The following DGKB variants were observed in gnomAD, a reference collection of about 807,000 sequenced individuals.
The protein encoded by DGKB is diacylglycerol kinase beta.
A neutral mutation model predicts 114.3 loss-of-function variants in DGKB; 67 were observed. That is an observed-to-expected ratio of 0.59 (90% CI 0.48 to 0.72). The LOEUF is 0.72. Among genes scored for constraint, DGKB ranks in the 30% least tolerant of loss-of-function variants. The pLI is 0.00. For synonymous variants in DGKB, 398 were observed against 323.1 expected, an observed-to-expected ratio of 1.23 and a Z score of -2.49; for missense variants, 907 against 975.2, an observed-to-expected ratio of 0.93 and a Z score of 0.93.
chr7:14,202,407 T>C (rs1786041200), intron 23 of DGKB, among the ~76,000 whole-genome samples: 1 of 152,028 alleles, frequency 6.6e-6, no homozygotes, highest in Non-Finnish European at 1.5e-5. Context: ...CATTAATTAC[T>C]AATAACAAGG....
At chr7:14,899,789 G>C (rs1441387494) in intron 1 of DGKB, among the ~76,000 whole-genome samples, 1 of 152,046 alleles carries the variant, frequency 6.6e-6, no homozygotes, top group African/African-American at 2.4e-5. Flanking sequence ...GATCTCTCAA[G>C]CACTATCCAC....
chr7:14,279,275 C>T (rs113085227), intron 23 of DGKB, among the ~76,000 whole-genome samples: 7,680 of 152,214 alleles, frequency 0.05, 625 homozygotes, highest in African/African-American at 0.17. Context: ...AGTCTGAGAT[C>T]AAACTGCAAG....
intron 1 of DGKB, among the ~76,000 whole-genome samples, chr7:14,844,587 C>G (rs541667792): frequency 6.6e-6 from 1 of 152,278 alleles, no homozygotes; most frequent in East Asian, 1.9e-4. Flanking sequence ...GTTCCTTTCT[C>G]TCTCACTTGC....
intron 22 of DGKB, among the ~76,000 whole-genome samples, chr7:14,344,219 T>A (rs1294476849): frequency 2.0e-5 from 3 of 151,476 alleles, no homozygotes; most frequent in Non-Finnish European, 3.0e-5. Flanking sequence ...TCAAAGGTTA[T>A]GATCTGATCC....
At chr7:14,945,713 T>A (rs1785834335) in intron 1 of DGKB, among the ~76,000 whole-genome samples, 1 of 151,698 alleles carries the variant, frequency 6.6e-6, no homozygotes, top group Non-Finnish European at 1.5e-5. Flanking sequence ...GAAATATAAC[T>A]TTTTAAAATG....
chr7:14,747,769 C>CCA (rs797012022), intron 4 of DGKB, among the ~76,000 whole-genome samples: 2 of 92,810 alleles, frequency 2.2e-5, no homozygotes, highest in African/African-American at 1.0e-4. Flanking sequence ...TCAAACACAT[C>CCA]CACGCGCACG....
At chr7:14,432,885 G>A (rs1375818721) in intron 21 of DGKB, among the ~76,000 whole-genome samples, 2 of 152,010 alleles carry the variant, frequency 1.3e-5, no homozygotes, top group Non-Finnish European at 2.9e-5. Context: ...CGCTCCAAAG[G>A]TATCACCTGG....
intron 1 of DGKB, among the ~76,000 whole-genome samples, chr7:14,974,260 T>C (rs1384582487): frequency 6.6e-6 from 1 of 152,058 alleles, no homozygotes; most frequent in Non-Finnish European, 1.5e-5. Flanking sequence ...TCTGTGGTTA[T>C]AACACACTGC....
chr7:14,344,221 ATC>A (rs1812105180), intron 22 of DGKB, among the ~76,000 whole-genome samples: 1 of 151,410 alleles, frequency 6.6e-6, no homozygotes, highest in Non-Finnish European at 1.5e-5. Context: ...AAAGGTTATG[ATC>A]TGATCCTGTT....
At chr7:14,718,395 A>G in intron 6 of DGKB, 147 bp downstream of exon 6, 2 of 569,430 alleles carry the variant, frequency 3.5e-6, no homozygotes, top group Non-Finnish European at 2.8e-6. Context: ...TCTGATCCTC[A>G]GCAGGAGGAA....
At chr7:14,312,532 A>G (rs908189980) in intron 23 of DGKB, among the ~76,000 whole-genome samples, 1 of 152,208 alleles carries the variant, frequency 6.6e-6, no homozygotes, top group African/African-American at 2.4e-5. Flanking sequence ...TTTATTAAAT[A>G]TTTACTCTTG....
chr7:14,906,546 C>T (rs1783718548), upstream of DGKB, among the ~76,000 whole-genome samples: 2 of 150,052 alleles, frequency 1.3e-5, no homozygotes, highest in Admixed American at 6.7e-5. Flanking sequence ...CTCTGCCTCC[C>T]GGGTTCTAGC....
At chr7:14,827,716 G>T (rs910143440) in intron 2 of DGKB, among the ~76,000 whole-genome samples, 1 of 151,960 alleles carries the variant, frequency 6.6e-6, no homozygotes, top group African/African-American at 2.4e-5. Flanking sequence ...AGACTTATGG[G>T]GGGTATGGTT....
At chr7:14,433,145 G>A (rs750927252) in intron 21 of DGKB, among the ~76,000 whole-genome samples, 22 of 152,094 alleles carry the variant, frequency 1.4e-4, no homozygotes, top group Non-Finnish European at 1.0e-4. Flanking sequence ...GGAGCACGTC[G>A]TATCTATTGA....
intron 6 of DGKB, among the ~76,000 whole-genome samples, chr7:14,703,309 C>T (rs1236864194): frequency 6.6e-6 from 1 of 152,160 alleles, no homozygotes; most frequent in African/African-American, 2.4e-5. Flanking sequence ...GACCATTTCA[C>T]GTCGCTCAAA....
intron 25 of DGKB, among the ~76,000 whole-genome samples, chr7:14,161,780 C>T (rs1254643093): frequency 1.3e-5 from 2 of 151,796 alleles, no homozygotes; most frequent in Non-Finnish European, 2.9e-5. Context: ...CAAACCTGCA[C>T]ATTCTGCACA....
At chr7:14,377,571 T>C (rs1818697255) in intron 21 of DGKB, among the ~76,000 whole-genome samples, 1 of 152,206 alleles carries the variant, frequency 6.6e-6, no homozygotes, top group Admixed American at 6.5e-5. Context: ...AAACACTTGA[T>C]AAGTGATTTT....
At chr7:14,677,109 T>A (rs1312533375) in intron 12 of DGKB, among the ~76,000 whole-genome samples, 1 of 151,968 alleles carries the variant, frequency 6.6e-6, no homozygotes, top group African/African-American at 2.4e-5. Context: ...CAGATCTATG[T>A]TTATTAGAAA....
At chr7:14,631,202 T>G (rs1809620245) in intron 13 of DGKB, among the ~76,000 whole-genome samples, 1 of 146,278 alleles carries the variant, frequency 6.8e-6, no homozygotes, top group African/African-American at 2.5e-5. Context: ...ATGAAAAATC[T>G]GATAGTCCAG....
Sources: allele counts gnomAD v4.1 joint callset (sites outside exome capture counted in the v4.1 genomes callset), GRCh38; gene constraint gnomAD v4.1.1; transcripts MANE v1.5; gene names NCBI Gene and HGNC (gene_info 2026-07-23, HGNC 2026-07-21).